The following DOCK8 variants were observed in gnomAD, a reference collection of about 807,000 sequenced individuals.
DOCK8 encodes dedicator of cytokinesis protein 8.
DOCK8 carries 141 observed loss-of-function variants against 245.6 expected under a neutral mutation model. That is an observed-to-expected ratio of 0.57 (90% CI 0.50 to 0.66). The LOEUF is 0.66. DOCK8 is among the 30% of genes least tolerant of loss of function. The probability of loss-of-function intolerance (pLI) is 0.00; values close to 1 mark genes in which losing one functional copy is unlikely to be tolerated. For missense variants in DOCK8, 2,965 were observed against 2,603.4 expected, an observed-to-expected ratio of 1.14 and a Z score of -3.02; for synonymous variants, 1,168 against 970.2, an observed-to-expected ratio of 1.20 and a Z score of -3.79.
chr9:216,537 C>CAAAAAAAAAAAAAAAAAAAAAAAAA (rs59529982), intron 1 of DOCK8, among the ~76,000 whole-genome samples: 5 of 88,920 alleles, frequency 5.6e-5, no homozygotes, highest in Admixed American at 1.3e-4. Flanking sequence ...AAAAAACAGA[C>CAAAAAAAAAAAAAAAAAAAAAAAAA]AAAAAAAAAA....
chr9:230,608 T>C (rs1397017504), intron 1 of DOCK8, among the ~76,000 whole-genome samples: 1 of 152,046 alleles, frequency 6.6e-6, no homozygotes, highest in Non-Finnish European at 1.5e-5. Context: ...TGGTGTGAGA[T>C]GGTATCTCAT....
intron 36 of DOCK8, 99 bp from the exon 37 acceptor site, chr9:432,067 C>T: frequency 8.1e-7 from 1 of 1,237,778 alleles, no homozygotes. Context: ...GCAAAGGAAA[C>T]ACTGAGGAGT....
At chr9:423,715 G>A (rs1456602124) in intron 33 of DOCK8, among the ~76,000 whole-genome samples, 2 of 152,178 alleles carry the variant, frequency 1.3e-5, no homozygotes, top group African/African-American at 4.8e-5. Flanking sequence ...TCCCTGGACT[G>A]ATTTATAAAA....
At chr9:323,093 CAAAA>C (rs141746047) in intron 7 of DOCK8, among the ~76,000 whole-genome samples, 3 of 100,318 alleles carry the variant, frequency 3.0e-5, no homozygotes, top group Non-Finnish European at 6.3e-5. Flanking sequence ...AACTCCATCT[CAAAA>C]AAAAAAAAAA....
Position 380,035 on chromosome 9 carries a change from G to T in DOCK8, c.2605+100G>T, listed in dbSNP as rs11790531. ...ATAAAACATCCTATGCTGGGTGCAG[G>T]GGCTCACATCTGCAACCCCAGCACT... is the stretch of plus-strand genomic sequence containing the variant. On this transcript the variant is annotated intron_variant, in intron 21 of 47. Transcript: ENST00000432829. 144,910 of 1,058,018 alleles carry T rather than the reference G, an allele frequency of 0.14. 20,592 individuals carry two copies. The highest frequency in any genetic ancestry group is 0.46 in the African/African-American group (25,905 of 56,310). The allele number at this position is 1,058,018 out of a possible 1,614,324, so 65.5% of individuals were successfully genotyped here.
At chr9:439,100 T>C (rs2057000437) in intron 39 of DOCK8, 145 bp from the exon 40 acceptor site, 2 of 1,021,004 alleles carry the variant, frequency 2.0e-6, no homozygotes, top group East Asian at 2.4e-5. Flanking sequence ...ACAGATACTC[T>C]CGGGGTAGAA....
chr9:396,222 C>G (rs954019902), intron 24 of DOCK8, among the ~76,000 whole-genome samples: 6 of 152,200 alleles, frequency 3.9e-5, no homozygotes, highest in Admixed American at 1.3e-4. Flanking sequence ...TATAATATAG[C>G]TAAAATTTAT....
At chr9:249,327 T>A (rs2047593174) in intron 1 of DOCK8, among the ~76,000 whole-genome samples, 1 of 152,192 alleles carries the variant, frequency 6.6e-6, no homozygotes, top group South Asian at 2.1e-4. Flanking sequence ...AGCCTTAGCC[T>A]ACCTCTGACC....
rs1173350533 is a variant in DOCK8, at chr9:452,077, C to T, written c.6028C>T (p.His2010Tyr). The T allele has an allele frequency of 1.3e-6, 2 of 1,599,144 alleles. No homozygotes were observed. The highest frequency in any genetic ancestry group is 1.7e-5 in the Admixed American group (1 of 59,164). Residue 2010 changes from histidine (H) to tyrosine (Y), a missense_variant, in exon 46 of 48, where the codon CAC becomes TAC. Around this residue, in one of 3 missense-constraint regions of DOCK8, gnomAD observed 134 missense variants for 128.1 expected, o/e 1.05. Coordinates refer to ENST00000432829, the MANE Select transcript of DOCK8 (RefSeq NM_203447.4). ...TGCTGATCCAAAACTCTATCGACAT[C>T]ACAACAAGTTGAGGTTATGCTTTAA... ...IPADPKLYRH[H>Y]NKLRLCFKEF...
rs747086561 is a variant in DOCK8, at chr9:463,584, C to A, written c.6136C>A (p.Leu2046Ile). The A allele has an allele frequency of 1.2e-6, 2 of 1,614,096 alleles. No individual in the cohort carries two copies. The highest frequency in any genetic ancestry group is 2.2e-5 in the South Asian group (2 of 91,084). The change falls in exon 47 of 48, where the codon CTC becomes ATC. Residue 2046 changes from leucine to isoleucine, a missense_variant. Physicochemically the swap from Leu to Ile is conservative, Grantham distance 5. This residue lies in a region of DOCK8 where 134 missense variants were observed against 128.1 expected (regional missense o/e 1.05). Transcript: ENST00000432829. ...AGACCAGAGGGAATATCAGCAGGAA[C>A]TCAAAAAGAACTATAACAAGCTAAA... Reference protein sequence around the residue: ...TADQREYQQELKKNYNKLKEN... With the variant: ...TADQREYQQEIKKNYNKLKEN...
intron 1 of DOCK8, chr9:215,608 G>A: frequency 3.4e-6 from 2 of 591,768 alleles, no homozygotes; most frequent in Non-Finnish European, 5.2e-6. Flanking sequence ...TGGAAAAAGT[G>A]ATTTTTTAAA....
chr9:330,837 A>G (rs2050977153), intron 9 of DOCK8, among the ~76,000 whole-genome samples: 2 of 152,212 alleles, frequency 1.3e-5, no homozygotes, highest in Non-Finnish European at 2.9e-5. Context: ...GGAACAAACA[A>G]TAGGTTCTCA....
At chr9:337,266 C>T (rs764453788) in intron 12 of DOCK8, among the ~76,000 whole-genome samples, 6 of 152,120 alleles carry the variant, frequency 3.9e-5, no homozygotes, top group African/African-American at 9.7e-5. Flanking sequence ...AGCCAGAAAA[C>T]GGGAACAATA....
intron 14 of DOCK8, chr9:366,519 C>G (rs1321734404): frequency 6.6e-6 from 1 of 152,172 alleles, no homozygotes; most frequent in Non-Finnish European, 1.5e-5. Flanking sequence ...CCTAACTTTT[C>G]TTTCCTTGAT....
At chr9:302,070 G>A (rs190812867) in intron 4 of DOCK8, among the ~76,000 whole-genome samples, 2 of 151,942 alleles carry the variant, frequency 1.3e-5, no homozygotes, top group East Asian at 1.9e-4. Flanking sequence ...GAACAAAGCC[G>A]GTGGCATCAC....
chr9:315,737 G>C (rs536271998), intron 6 of DOCK8, among the ~76,000 whole-genome samples: 7 of 152,202 alleles, frequency 4.6e-5, no homozygotes, highest in Admixed American at 1.3e-4. Context: ...ATGGGTGAAT[G>C]GTTCTTCATT....
chr9:400,988 T>TTCACCATCA lies in DOCK8; in HGVS notation c.3234+1729_3234+1730insTCACCATCA, dbSNP rs1564017131. ...CACCTCCTCCACCATCACCACCTCCTCCACCACCACCACCATTAGCTCCAC... is the reference window on the plus strand; with the variant it reads ...CACCTCCTCCACCATCACCACCTCCTTCACCATCACCACCACCACCACCATTAGCTCCAC... On this transcript the variant is annotated intron_variant, in intron 26 of 47. Coordinates refer to ENST00000432829, the MANE Select transcript of DOCK8 (RefSeq NM_203447.4). Among the ~76,000 whole-genome samples, 354 of 96,374 alleles carry TTCACCATCA rather than the reference T, an allele frequency of 3.7e-3. 33 individuals carry two copies. Among genetic ancestry groups the TTCACCATCA allele is most frequent in the Non-Finnish European group, 6.1e-3 (256 of 41,986 alleles). The allele number at this position is 96,374 out of a possible 152,430, so 63.2% of individuals were successfully genotyped here.
At chr9:392,401 C>A (rs980492046) in intron 24 of DOCK8, among the ~76,000 whole-genome samples, 4 of 152,210 alleles carry the variant, frequency 2.6e-5, no homozygotes, top group African/African-American at 9.6e-5. Context: ...AAAGTCCCAA[C>A]CTCTGTTTTG....
chr9:400,893 CCTCCCCCACTACCAACAGCTCCTT>C (rs2054991757), intron 26 of DOCK8, among the ~76,000 whole-genome samples: 1 of 86,990 alleles, frequency 1.1e-5, no homozygotes, highest in Admixed American at 1.2e-4. Context: ...ACCACCACCA[CCTCCCCCACTACCAACAGCTCCTT>C]CACCATCACC....
Sources: allele counts gnomAD v4.1 joint callset (sites outside exome capture counted in the v4.1 genomes callset), GRCh38; gene constraint gnomAD v4.1.1; regional missense constraint gnomAD v4.1.1; transcripts MANE v1.5; gene names NCBI Gene and HGNC (gene_info 2026-07-23, HGNC 2026-07-21).